Variants in CTTNBP2 observed in about 807,000 individuals in gnomAD.
The protein encoded by CTTNBP2 is cortactin-binding protein 2.
Under a neutral mutation model 156.9 loss-of-function variants are expected in CTTNBP2, and 108 were observed. That is an observed-to-expected ratio of 0.69 (90% confidence interval 0.59 to 0.81). CTTNBP2 has a LOEUF of 0.81. Ranked by LOEUF, CTTNBP2 falls within the 30% of genes least tolerant of loss-of-function variation. The pLI, the probability that CTTNBP2 is intolerant of heterozygous loss-of-function variation, is 0.00. For synonymous variants in CTTNBP2, 767 were observed against 751.8 expected, an observed-to-expected ratio of 1.02 and a Z score of -0.33; for missense variants, 1,924 against 2,035.4, an observed-to-expected ratio of 0.95 and a Z score of 1.05.
intron 1 of CTTNBP2, among the ~76,000 whole-genome samples, chr7:117,864,945 A>G (rs1195688893): frequency 6.9e-6 from 1 of 145,980 alleles, no homozygotes; most frequent in Non-Finnish European, 1.5e-5. Context: ...CATTCAATAT[A>G]TATTCATATA....
At chr7:117,743,246 C>A (rs897917493) in intron 14 of CTTNBP2, among the ~76,000 whole-genome samples, 1 of 152,180 alleles carries the variant, frequency 6.6e-6, no homozygotes, top group Non-Finnish European at 1.5e-5. Flanking sequence ...TTGCTATCTA[C>A]CCCCATAGGG....
chr7:117,734,849 T>G, intron 16 of CTTNBP2, 64 bp downstream of exon 16: 1 of 1,336,642 alleles, frequency 7.5e-7, no homozygotes, highest in Non-Finnish European at 1.0e-6. Flanking sequence ...GAACTCAAGC[T>G]GAGATCTCCT....
intron 2 of CTTNBP2, among the ~76,000 whole-genome samples, chr7:117,823,845 C>T (rs2117040847): frequency 6.6e-6 from 1 of 152,258 alleles, no homozygotes; most frequent in Admixed American, 6.5e-5. Context: ...CACACAGCAC[C>T]ACTACTGGCT....
intron 2 of CTTNBP2, among the ~76,000 whole-genome samples, chr7:117,821,734 G>A (rs796404337): frequency 4.0e-5 from 6 of 151,858 alleles, no homozygotes; most frequent in South Asian, 2.1e-4. Flanking sequence ...GACTACAGGC[G>A]CCGGCCACCA....
chr7:117,746,094 C>G lies in CTTNBP2; in HGVS notation c.3354G>C (p.Glu1118Asp), dbSNP rs185761513. Residue 1118 changes from glutamate to aspartate, a missense_variant, in exon 13 of 23, where the codon GAG becomes GAC. By Grantham distance (45) the Glu-to-Asp change is conservative. Coordinates refer to ENST00000160373, the MANE Select transcript of CTTNBP2 (RefSeq NM_033427.3). ...CGTGGAAAATGACATTATGATATTG[C>G]TCAACCTATTAACAAACCAAGTAGA... is the stretch of plus-strand genomic sequence containing the variant. ...QMMQNYLRLVEQYHNVIFHGP... is the reference protein window; with the variant it reads ...QMMQNYLRLVDQYHNVIFHGP... 36 of 1,612,924 alleles carry G rather than the reference C, an allele frequency of 2.2e-5. No individual in the cohort carries two copies. The East Asian group carries it at 8.0e-4, about 36-fold the overall frequency.
intron 7 of CTTNBP2, 49 bp from the exon 8 acceptor site, chr7:117,777,814 C>A: frequency 6.5e-7 from 1 of 1,539,158 alleles, no homozygotes; most frequent in Non-Finnish European, 8.8e-7. Flanking sequence ...ACATTAATGT[C>A]AAGGAAAATA....
intron 3 of CTTNBP2, among the ~76,000 whole-genome samples, chr7:117,802,458 C>CAAAAAAAAAA (rs1318587715): frequency 9.3e-6 from 1 of 107,378 alleles, no homozygotes; most frequent in Non-Finnish European, 2.1e-5. Context: ...AAAAAAAAAA[C>CAAAAAAAAAA]AAAAACAAAC....
chr7:117,752,522 T>C (rs1796665609), intron 12 of CTTNBP2, among the ~76,000 whole-genome samples: 1 of 152,240 alleles, frequency 6.6e-6, no homozygotes, highest in South Asian at 2.1e-4. Context: ...TTGTATTATT[T>C]TTAACAATAA....
intron 8 of CTTNBP2, among the ~76,000 whole-genome samples, chr7:117,771,481 T>C (rs1797794723): frequency 6.6e-6 from 1 of 152,128 alleles, no homozygotes; most frequent in African/African-American, 2.4e-5. Context: ...AAAGATGAAG[T>C]TGGCTGCTGC....
At position 117,791,384 on chromosome 7, in the gene CTTNBP2, A is replaced by G. The variant is rs1019840246; in HGVS notation, c.1812T>C (p.Pro604=). 6.2e-7 allele frequency: 1 copy of G among 1,614,188 alleles called. No individual in the cohort carries two copies. The highest frequency in any genetic ancestry group is 8.5e-7 in the Non-Finnish European group (1 of 1,180,028). Residue 604 remains proline (P), a synonymous_variant, in exon 4 of 23, where the codon CCT becomes CCC. Coordinates refer to ENST00000160373, the MANE Select transcript of CTTNBP2 (RefSeq NM_033427.3). ...GTGGCAGCTGAGGGGAGGATGACTT[A>G]GGAAGGTTCTCCTCATTGATCACCC... is the stretch of plus-strand genomic sequence containing the variant. The part of the protein sequence containing the change: ...GNRVINEENL[P]KSSSPQLPPK...
chr7:117,737,974 G>A (rs1795796916), intron 14 of CTTNBP2, among the ~76,000 whole-genome samples: 1 of 152,210 alleles, frequency 6.6e-6, no homozygotes, highest in African/African-American at 2.4e-5. Context: ...ATCAAGGTCA[G>A]AATAGTTATA....
rs1199334760 is a variant in CTTNBP2 at position 117,719,590 on chromosome 7, G to A, written c.4558C>T (p.Leu1520Phe). 6 of 1,612,964 alleles carry A rather than the reference G, an allele frequency of 3.7e-6. No individual in the cohort carries two copies. Among genetic ancestry groups the A allele is most frequent in the Non-Finnish European group, 5.1e-6 (6 of 1,179,156 alleles). The change falls in exon 21 of 23, where the codon CTC becomes TTC. Residue 1520 changes from leucine to phenylalanine, a missense_variant. By Grantham distance (22) the Leu-to-Phe change is conservative. Transcript: ENST00000160373. The part of the protein sequence containing the change: ...LSLTLNLDQR[L>F]SLGSDDEADL... ...GCTTCGTCATCTGAACCCAGAGAGA[G>A]TCTCTGATCCAAATTCAACGTCAGT...
At chr7:117,730,255 T>A (rs1168543226) in intron 16 of CTTNBP2, among the ~76,000 whole-genome samples, 1 of 152,154 alleles carries the variant, frequency 6.6e-6, no homozygotes, top group Non-Finnish European at 1.5e-5. Context: ...TAGCATGACC[T>A]GCAAATCCTT....
chr7:117,777,599 G>A lies in CTTNBP2; in HGVS notation c.2690C>T (p.Ser897Phe), dbSNP rs563679495. 1.2e-6 allele frequency: 2 copies of A among 1,613,866 alleles called. No homozygotes were observed. The highest frequency in any genetic ancestry group is 4.5e-5 in the East Asian group (2 of 44,882). Reference protein sequence around the residue: ...DGGEESPEGISKPVVPADLIN... With the variant: ...DGGEESPEGIFKPVVPADLIN... Reference sequence around the variant, plus strand: ...GAGGTCTGCAGGAACAACAGGCTTGGATATGCCTTCAGGACTCTCTTCTCC... The same window carrying A: ...GAGGTCTGCAGGAACAACAGGCTTGAATATGCCTTCAGGACTCTCTTCTCC... Residue 897 changes from serine (S) to phenylalanine (F), a missense_variant, in exon 8 of 23, where the codon TCC becomes TTC. Physicochemically the swap from Ser to Phe is radical, Grantham distance 155 (BLOSUM62 -2). Coordinates refer to ENST00000160373, the MANE Select transcript of CTTNBP2 (RefSeq NM_033427.3).
chr7:117,836,384 G>A (rs754612258), intron 2 of CTTNBP2, among the ~76,000 whole-genome samples: 8 of 152,150 alleles, frequency 5.3e-5, no homozygotes. Flanking sequence ...CTAACACGAC[G>A]AAACCCTATC....
Position 117,725,277 on chromosome 7 carries a change from T to G in CTTNBP2, c.4056-20A>C. The stretch of plus-strand genomic sequence containing the variant: ...ATCCACCTAGCAGGAGAGGGACCGA[T>G]TCATCCCTTAGGAGCAGGCTTCTCA... On this transcript the variant is annotated intron_variant, in intron 17 of 22. Coordinates refer to ENST00000160373, the MANE Select transcript of CTTNBP2 (RefSeq NM_033427.3). 6.2e-7 allele frequency: 1 copy of G among 1,607,136 alleles called. No homozygotes were observed. The highest frequency in any genetic ancestry group is 8.5e-7 in the Non-Finnish European group (1 of 1,173,662).
chr7:117,838,422 T>C (rs1440352390), intron 2 of CTTNBP2, among the ~76,000 whole-genome samples: 1 of 152,246 alleles, frequency 6.6e-6, no homozygotes, highest in Non-Finnish European at 1.5e-5. Flanking sequence ...AATGTGGTTA[T>C]GTGACACCTT....
chr7:117,732,940 C>T (rs947625480), intron 16 of CTTNBP2, among the ~76,000 whole-genome samples: 2 of 152,042 alleles, frequency 1.3e-5, no homozygotes, highest in South Asian at 4.1e-4. Context: ...TTATATAACT[C>T]TTTTATATTT....
chr7:117,850,364 AAAAC>A (rs769313297), intron 2 of CTTNBP2, among the ~76,000 whole-genome samples: 1 of 152,246 alleles, frequency 6.6e-6, no homozygotes, highest in African/African-American at 2.4e-5. Context: ...TTCTTAAAAC[AAAAC>A]AAACAAACCA....
Sources: gnomAD v4.1 joint callset for allele counts (sites outside exome capture counted in the v4.1 genomes callset) on GRCh38, gnomAD v4.1.1 for gene constraint, MANE v1.5 for transcripts, NCBI Gene and HGNC (gene_info 2026-07-23, HGNC 2026-07-21) for gene names.